CCDC62: variants seen among roughly 807,000 people sequenced by gnomAD.
CCDC62 encodes the protein coiled-coil domain containing 62.
A neutral mutation model predicts 80.8 loss-of-function variants in CCDC62; 72 were observed. The observed-to-expected ratio is 0.89, with a 90% confidence interval of 0.74 to 1.08. The LOEUF (loss-of-function observed/expected upper bound fraction) is 1.08. CCDC62 is among the 50% of genes least tolerant of loss of function. The probability of loss-of-function intolerance (pLI) is 0.00; values close to 1 mark genes in which losing one functional copy is unlikely to be tolerated. For missense variants in CCDC62, 704 were observed against 809.4 expected (o/e 0.87, Z 1.58); for synonymous variants, 286 against 296.5 (o/e 0.96, Z 0.36).
intron 10 of CCDC62, 115 bp downstream of exon 10, chr12:122,806,410 T>A (rs544062772): frequency 6.4e-5 from 43 of 670,878 alleles, no homozygotes; most frequent in African/African-American, 6.4e-4. Context: ...CTCCGTTTTT[T>A]TTTTTTTTTT....
chr12:122,775,093 CAAAAAAAAA>C (rs36059141), intron 1 of CCDC62, among the ~76,000 whole-genome samples: 2 of 60,498 alleles, frequency 3.3e-5, no homozygotes, highest in Admixed American at 5.0e-4. Context: ...GACTCCGTCT[CAAAAAAAAA>C]AAAAAAAAAA....
intron 10 of CCDC62, among the ~76,000 whole-genome samples, chr12:122,813,035 C>A (rs1335886274): frequency 2.7e-5 from 4 of 150,030 alleles, no homozygotes; most frequent in African/African-American, 2.4e-5. Context: ...CCACCTCTAC[C>A]AAAAAAAAAA....
rs758073964 is a variant in CCDC62, at chr12:122,813,420, G to T, written c.2001+1G>T. On this transcript the variant is annotated splice_donor_variant, in intron 11 of 12. Transcript: ENST00000253079. LOFTEE classifies it high-confidence loss of function. The stretch of plus-strand genomic sequence containing the variant: ...GAATCTCACTGGCAGTGCCACAAAT[G>T]TATGCGTTTCATTTTCTCTTGACTA... 1 of 1,610,086 alleles carries T rather than the reference G, an allele frequency of 6.2e-7. No homozygotes were observed. Among genetic ancestry groups the T allele is most frequent in the South Asian group, 1.1e-5 (1 of 90,610 alleles).
intron 11 of CCDC62, among the ~76,000 whole-genome samples, chr12:122,816,830 C>T (rs920757455): frequency 6.6e-6 from 1 of 151,996 alleles, no homozygotes; most frequent in Non-Finnish European, 1.5e-5. Flanking sequence ...TTAATAAAAT[C>T]GTGCAGCCAC....
intron 4 of CCDC62, among the ~76,000 whole-genome samples, chr12:122,786,146 T>TG (rs1566070921): frequency 6.6e-6 from 1 of 152,002 alleles, no homozygotes; most frequent in African/African-American, 2.4e-5. Flanking sequence ...TGAGAGGTTT[T>TG]TTTTGTTTTG....
Position 122,781,415 on chromosome 12 carries a change from G to A in CCDC62, c.396+85G>A, listed in dbSNP as rs1879855723. 3.0e-6 allele frequency: 4 copies of A among 1,318,986 alleles called. No individual in the cohort carries two copies. In the South Asian group the frequency reaches 3.6e-5, roughly 12 times the overall value. 81.7% of individuals were successfully genotyped at this position (1,318,986 alleles called of 1,614,324 possible). ...GAAAAATTAGATTTGACCGGGCACGGTGGCTCACTCCTGTAATGCCAACAC... is the reference window on the plus strand; with the variant it reads ...GAAAAATTAGATTTGACCGGGCACGATGGCTCACTCCTGTAATGCCAACAC... On this transcript the variant is annotated intron_variant, in intron 3 of 12. Coordinates refer to ENST00000253079, the MANE Select transcript of CCDC62 (RefSeq NM_201435.5).
chr12:122,774,803 A>G (rs1263711177), intron 1 of CCDC62, 97 bp downstream of exon 1: 2 of 1,004,862 alleles, frequency 2.0e-6, no homozygotes, highest in South Asian at 5.0e-5. Flanking sequence ...TTAAAATGTG[A>G]AACAGGCCGG....
At chr12:122,816,744 C>T (rs569578514) in intron 11 of CCDC62, among the ~76,000 whole-genome samples, 1 of 151,998 alleles carries the variant, frequency 6.6e-6, no homozygotes, top group African/African-American at 2.4e-5. Flanking sequence ...AAAAGAGAGA[C>T]AGAATTCACA....
intron 11 of CCDC62, among the ~76,000 whole-genome samples, chr12:122,817,833 T>C (rs1160607623): frequency 6.6e-6 from 1 of 152,118 alleles, no homozygotes; most frequent in Non-Finnish European, 1.5e-5. Flanking sequence ...TGTGTGTGTG[T>C]GTATCTGCCT....
intron 10 of CCDC62, 111 bp downstream of exon 10, chr12:122,806,406 T>G (rs1350067477): frequency 5.7e-4 from 6 of 10,436 alleles, no homozygotes; most frequent in East Asian, 0.1. Context: ...ATTCCTCCGT[T>G]TTTTTTTTTT....
rs71440217 is a variant in CCDC62 at position 122,812,777 on chromosome 12, G to GAGAAAGAAAGAAAGAA, written c.1852-455_1852-440dup. 3.8e-3 allele frequency among the ~76,000 whole-genome samples: 219 copies of GAGAAAGAAAGAAAGAA among 57,700 alleles called. 3 individuals carry two copies. Among genetic ancestry groups the GAGAAAGAAAGAAAGAA allele is most frequent in the South Asian group, 6.8e-3 (11 of 1,624 alleles). The allele number at this position is 57,700 out of a possible 152,430, so 37.9% of individuals were successfully genotyped here. A position where few individuals can be genotyped will look rare whatever the true frequency, so the allele number is the denominator to read the frequency against. ...GGAGGGAGAGAGAGAGAGAGAGAGA[G>GAGAAAGAAAGAAAGAA]AGAAAGAAAGAAAGAAAGAAAGAAA... On this transcript the variant is annotated intron_variant, in intron 10 of 12. Transcript: ENST00000253079.
At chr12:122,786,308 C>T (rs564045343) in intron 4 of CCDC62, among the ~76,000 whole-genome samples, 2 of 63,504 alleles carry the variant, frequency 3.1e-5, no homozygotes, top group South Asian at 3.7e-4. Context: ...CCACCACACC[C>T]GGCTAATTTT....
intron 11 of CCDC62, among the ~76,000 whole-genome samples, chr12:122,820,222 T>C (rs541980085): frequency 2.0e-5 from 3 of 152,194 alleles, no homozygotes; most frequent in Non-Finnish European, 4.4e-5. Flanking sequence ...TACCTGTTTT[T>C]ATTATTTTGA....
At chr12:122,807,051 G>A (rs1316853523) in intron 10 of CCDC62, among the ~76,000 whole-genome samples, 4 of 151,834 alleles carry the variant, frequency 2.6e-5, no homozygotes, top group Non-Finnish European at 5.9e-5. Context: ...AGACTAATGT[G>A]TGGTAAATGG....
intron 3 of CCDC62, among the ~76,000 whole-genome samples, chr12:122,785,334 G>A (rs2030145786): frequency 6.6e-6 from 1 of 151,958 alleles, no homozygotes; most frequent in Non-Finnish European, 1.5e-5. Context: ...TTCAACAAAG[G>A]AAATCTCTTA....
chr12:122,810,979 T>C (rs2031845077), intron 10 of CCDC62, among the ~76,000 whole-genome samples: 4 of 141,460 alleles, frequency 2.8e-5, no homozygotes, highest in Admixed American at 1.5e-4. Context: ...ATGAGAACAC[T>C]TGGACACAGG....
At chr12:122,809,409 G>A (rs1249075042) in intron 10 of CCDC62, among the ~76,000 whole-genome samples, 1 of 152,154 alleles carries the variant, frequency 6.6e-6, no homozygotes, top group African/African-American at 2.4e-5. Context: ...AGAATCACTT[G>A]AGCCCGGGAG....
At chr12:122,824,137 C>T (rs558400008) in intron 12 of CCDC62, among the ~76,000 whole-genome samples, 9 of 152,180 alleles carry the variant, frequency 5.9e-5, no homozygotes, top group East Asian at 1.9e-4. Context: ...CAATGCGGGC[C>T]GGGCGCAGTG....
At chr12:122,778,370 A>T (rs1056734205) in intron 2 of CCDC62, among the ~76,000 whole-genome samples, 6 of 148,596 alleles carry the variant, frequency 4.0e-5, no homozygotes, top group Non-Finnish European at 8.9e-5. Context: ...AAAAAAAAAA[A>T]ATTATAGCTG....
Sources: allele counts gnomAD v4.1 joint callset (sites outside exome capture counted in the v4.1 genomes callset), GRCh38; gene constraint gnomAD v4.1.1; transcripts MANE v1.5; gene names NCBI Gene and HGNC (gene_info 2026-07-23, HGNC 2026-07-21).